The following HNF4G variants were observed in gnomAD, a reference collection of about 807,000 sequenced individuals.
The protein encoded by HNF4G is hepatocyte nuclear factor 4 gamma, also known as hepatocyte nuclear factor 4-gamma.
In HNF4G, 21 loss-of-function variants were observed where a neutral mutation model predicts 50.9. That is an observed-to-expected ratio of 0.41 (90% CI 0.29 to 0.59). HNF4G has a LOEUF of 0.59. Ranked by LOEUF, HNF4G falls within the 20% of genes least tolerant of loss-of-function variation. HNF4G has a pLI of 0.26. For synonymous variants in HNF4G, 198 were observed against 185.6 expected (o/e 1.07, Z -0.54); for missense variants, 527 against 559.4 (o/e 0.94, Z 0.58).
chr8:75,528,000 A>AG lies in HNF4G; in HGVS notation c.-23-15810dup, dbSNP rs1450188930. On this transcript the variant is annotated intron_variant, in intron 2 of 10. Transcript: ENST00000354370. Reference sequence around the variant, plus strand: ...TTTGTCTTTCTGAAATCTTGAATAAAGCCTTTAAACCTGATGGCAATACCT... The same window carrying AG: ...TTTGTCTTTCTGAAATCTTGAATAAAGGCCTTTAAACCTGATGGCAATACCT... Among the ~76,000 whole-genome samples, 19 of 152,224 alleles carry AG rather than the reference A, an allele frequency of 1.2e-4. No individual in the cohort carries two copies. In the East Asian group the frequency reaches 1.3e-3, roughly 11 times the overall value.
chr8:75,494,173 G>A (rs1469437710), intron 2 of HNF4G, among the ~76,000 whole-genome samples: 3 of 152,066 alleles, frequency 2.0e-5, no homozygotes, highest in Non-Finnish European at 4.4e-5. Context: ...GCAAAGAGAA[G>A]ACAGTTAATG....
chr8:75,464,795 G>A lies in HNF4G; in HGVS notation c.-143-25294G>A, dbSNP rs76233118. On this transcript the variant is annotated intron_variant, in intron 1 of 10. Coordinates refer to the HNF4G transcript ENST00000354370. ...TGAGGCTGCCCTTATTTCTGAAATA[G>A]TGTACAGGAAAACACCAGGGAACAA... Among the ~76,000 whole-genome samples the A allele has an allele frequency of 8.6e-3, 1,303 of 152,264 alleles. 60 individuals carry two copies. In the East Asian group the frequency reaches 0.15, roughly 18 times the overall value.
chr8:75,431,834 G>T (rs1240751530), intron 1 of HNF4G, among the ~76,000 whole-genome samples: 1 of 151,802 alleles, frequency 6.6e-6, no homozygotes, highest in Non-Finnish European at 1.5e-5. Flanking sequence ...GCTGAGGCAG[G>T]ATAATTGCTT....
chr8:75,499,706 G>T (rs185379245), intron 2 of HNF4G, among the ~76,000 whole-genome samples: 213 of 151,990 alleles, frequency 1.4e-3, no homozygotes, highest in African/African-American at 4.8e-3. Flanking sequence ...TAATGAAATA[G>T]AATTTAGAGT....
At chr8:75,479,850 G>A (rs1247141472) in intron 1 of HNF4G, among the ~76,000 whole-genome samples, 1 of 151,966 alleles carries the variant, frequency 6.6e-6, no homozygotes, top group African/African-American at 2.4e-5. Flanking sequence ...ATGTTTTCAA[G>A]TTTATTTGTA....
chr8:75,432,479 T>G (rs1811038264), intron 1 of HNF4G, among the ~76,000 whole-genome samples: 1 of 152,006 alleles, frequency 6.6e-6, no homozygotes, highest in Admixed American at 6.6e-5. Flanking sequence ...TTTTGTATTT[T>G]TAGTAGAGAT....
At chr8:75,556,917 G>T (rs1043364415) in intron 6 of HNF4G, among the ~76,000 whole-genome samples, 13 of 152,118 alleles carry the variant, frequency 8.5e-5, no homozygotes, top group African/African-American at 3.1e-4. Flanking sequence ...CCTTGAAATA[G>T]CCCTAAGGGA....
At position 75,558,946 on chromosome 8, in the gene HNF4G, C is replaced by G. The variant is rs531449442; in HGVS notation, c.1032C>G (p.Ser344Arg). The G allele has an allele frequency of 6.2e-7, 1 of 1,614,004 alleles. No individual in the cohort carries two copies. Among genetic ancestry groups the G allele is most frequent in the South Asian group, 1.1e-5 (1 of 91,076 alleles). The change falls in exon 8 of 10, where the codon AGC becomes AGG. Residue 344 changes from serine to arginine, a missense_variant. Physicochemically the swap from Ser to Arg is moderately radical, Grantham distance 110. Coordinates refer to ENST00000396423, the MANE Select transcript of HNF4G (RefSeq NM_004133.5). Reference protein sequence around the residue: ...ELLLLLPTLQSITWQMIEQIQ... With the variant: ...ELLLLLPTLQRITWQMIEQIQ... ...TTCTGCTCCTGCCCACACTGCAGAG[C>G]ATCACGTGGCAAATGATTGAGCAAA...
chr8:75,499,660 G>T (rs1812872276), intron 2 of HNF4G, among the ~76,000 whole-genome samples: 1 of 151,916 alleles, frequency 6.6e-6, no homozygotes, highest in Non-Finnish European at 1.5e-5. Flanking sequence ...AGTAATTAAA[G>T]CTGTACAGTA....
At chr8:75,459,637 T>A in intron 1 of HNF4G, among the ~76,000 whole-genome samples, 1 of 152,220 alleles carries the variant, frequency 6.6e-6, no homozygotes, top group East Asian at 1.9e-4. Flanking sequence ...TATATCCTCA[T>A]GTGAAACCCA....
At chr8:75,539,793 T>C (rs149387486), upstream of HNF4G, 304 of 531,036 alleles carry the variant, frequency 5.7e-4, no homozygotes, top group African/African-American at 5.0e-3. Context: ...AAGCAGAATA[T>C]GGCCTGCTGA....
intron 2 of HNF4G, among the ~76,000 whole-genome samples, chr8:75,525,912 AC>A (rs1806165891): frequency 6.6e-6 from 1 of 152,204 alleles, no homozygotes; most frequent in Non-Finnish European, 1.5e-5. Context: ...AAACAAACAA[AC>A]AAAAAAGGGA....
At chr8:75,411,002 C>T (rs551477256) in intron 1 of HNF4G, among the ~76,000 whole-genome samples, 1 of 152,112 alleles carries the variant, frequency 6.6e-6, no homozygotes, top group Non-Finnish European at 1.5e-5. Flanking sequence ...ATTTATATGC[C>T]TTTTGCTTTT....
rs778076183 is a variant in HNF4G, at chr8:75,560,483, CT to C, written c.1246+21del. ...ACCAGATCTGTAAGTTTATAGACTA[CT>C]TTTCAACCAAGATATTTCTTAATTA... On this transcript the variant is annotated intron_variant, in intron 9 of 9. Coordinates refer to ENST00000396423, the MANE Select transcript of HNF4G (RefSeq NM_004133.5). 2 of 1,598,396 alleles carry C rather than the reference CT, an allele frequency of 1.3e-6. No individual in the cohort carries two copies. Among genetic ancestry groups the C allele is most frequent in the Admixed American group, 3.5e-5 (2 of 57,046 alleles).
At chr8:75,557,445 C>A (rs906771278) in intron 6 of HNF4G, among the ~76,000 whole-genome samples, 1 of 152,212 alleles carries the variant, frequency 6.6e-6, no homozygotes, top group Non-Finnish European at 1.5e-5. Context: ...CATGGTGAAA[C>A]CTCGTCTCTA....
At chr8:75,427,223 T>C (rs1810912161) in intron 1 of HNF4G, among the ~76,000 whole-genome samples, 1 of 152,160 alleles carries the variant, frequency 6.6e-6, no homozygotes, top group African/African-American at 2.4e-5. Context: ...GAGTAGGCTG[T>C]GATGTTGAAC....
intron 2 of HNF4G, among the ~76,000 whole-genome samples, chr8:75,511,161 A>G (rs1805740210): frequency 1.3e-5 from 2 of 152,142 alleles, no homozygotes; most frequent in South Asian, 4.1e-4. Context: ...TCATTAATCT[A>G]CATATGATTG....
intron 1 of HNF4G, among the ~76,000 whole-genome samples, chr8:75,540,704 T>G (rs2943552): frequency 0.66 from 100,144 of 151,922 alleles, 34,903 homozygotes; most frequent in African/African-American, 0.9. Context: ...GACATGAGTT[T>G]TTTAGGGGTA....
intron 1 of HNF4G, among the ~76,000 whole-genome samples, chr8:75,432,708 A>G (rs748846934): frequency 2.0e-5 from 3 of 152,150 alleles, no homozygotes; most frequent in Non-Finnish European, 4.4e-5. Flanking sequence ...TCCTCCTGGT[A>G]TTCATGGCTT....
Sources: gnomAD v4.1 joint callset for allele counts (sites outside exome capture counted in the v4.1 genomes callset) on GRCh38, gnomAD v4.1.1 for gene constraint, MANE v1.5 for transcripts, NCBI Gene and HGNC (gene_info 2026-07-23, HGNC 2026-07-21) for gene names.